The following MTMR8 variants were observed in gnomAD, a reference collection of about 807,000 sequenced individuals.
The protein encoded by MTMR8 is myotubularin related protein 8.
In MTMR8, 65 loss-of-function variants were observed where a neutral mutation model predicts 39.3. The observed-to-expected ratio is 1.65, with a 90% CI of 1.35 to 2.03. MTMR8 has a LOEUF of 2.03. MTMR8 is among the 30% of genes most tolerant of loss of function. MTMR8 has a pLI of 0.00. For missense variants in MTMR8, 777 were observed against 538.9 expected, an observed-to-expected ratio of 1.44 and a Z score of -4.37; for synonymous variants, 245 against 185.2, an observed-to-expected ratio of 1.32 and a Z score of -2.62.
intron 1 of MTMR8, among the ~76,000 whole-genome samples, chrX:64,370,385 A>C (rs188505465): frequency 3.6e-5 from 4 of 110,637 alleles, no homozygotes; most frequent in African/African-American, 9.9e-5. Flanking sequence ...TTATAAAAAA[A>C]AAAAGGAAAG....
At chrX:64,373,100 T>C (rs772858078) in intron 1 of MTMR8, among the ~76,000 whole-genome samples, 1 of 112,220 alleles carries the variant, frequency 8.9e-6, no homozygotes, top group African/African-American at 3.2e-5. Flanking sequence ...TAGGTGATAT[T>C]GTTAATTCCA....
At chrX:64,327,398 T>C (rs1922825029) in intron 12 of MTMR8, among the ~76,000 whole-genome samples, 1 of 111,712 alleles carries the variant, frequency 9.0e-6, no homozygotes, top group Non-Finnish European at 1.9e-5. Flanking sequence ...CAAAAGAAGA[T>C]ATACAAATGG....
rs767568395 is a variant in MTMR8 at position 64,268,931 on chromosome X, C to T, written c.1721G>A (p.Gly574Asp). 5.0e-6 allele frequency: 6 copies of T among 1,209,801 alleles called. No homozygotes were observed. Among genetic ancestry groups the T allele is most frequent in the African/African-American group, 1.8e-5 (1 of 57,082 alleles). ...CAGGGTATTCAGGTCTCCATTGATACCCATAAAGCCAAGAGGATTGGTCAA... is the reference window on the plus strand; with the variant it reads ...CAGGGTATTCAGGTCTCCATTGATATCCATAAAGCCAAGAGGATTGGTCAA... ...SPLTNPLGFM[G>D]INGDLNTLME... Residue 574 changes from glycine to aspartate, a missense_variant, in exon 14 of 14, where the codon GGT becomes GAT. Physicochemically the swap from Gly to Asp is moderately conservative, Grantham distance 94. Coordinates refer to ENST00000374852, the MANE Select transcript of MTMR8 (RefSeq NM_017677.4).
chrX:64,312,555 A>G (rs1045932430), intron 12 of MTMR8, among the ~76,000 whole-genome samples: 3 of 112,382 alleles, frequency 2.7e-5, no homozygotes, highest in Non-Finnish European at 5.6e-5. Context: ...TTTGCACATG[A>G]CATGATTGTA....
chrX:64,291,014 T>C (rs756234643), intron 12 of MTMR8, among the ~76,000 whole-genome samples: 1 of 111,929 alleles, frequency 8.9e-6, no homozygotes, highest in South Asian at 3.7e-4. Flanking sequence ...CATATGGCAT[T>C]TGCATATTCA....
intron 3 of MTMR8, 76 bp from the exon 4 acceptor site, chrX:64,355,010 C>T (rs768815056): frequency 2.1e-5 from 19 of 889,511 alleles, no homozygotes; most frequent in Non-Finnish European, 2.9e-5. Flanking sequence ...CAAATAAAGG[C>T]TAGATTTCCT....
At chrX:64,302,402 C>A (rs777680761) in intron 12 of MTMR8, among the ~76,000 whole-genome samples, 1 of 112,682 alleles carries the variant, frequency 8.9e-6, no homozygotes, top group Non-Finnish European at 1.9e-5. Flanking sequence ...CCAGGTGAGG[C>A]AATGCCTCGC....
intron 1 of MTMR8, chrX:64,360,296 T>A (rs1923744525): frequency 7.8e-6 from 2 of 256,046 alleles, no homozygotes; most frequent in Non-Finnish European, 1.4e-5. Context: ...AGTCTCGAAC[T>A]ATATCAAGCA....
intron 12 of MTMR8, among the ~76,000 whole-genome samples, chrX:64,311,855 T>G (rs1280901641): frequency 9.3e-6 from 1 of 107,867 alleles, no homozygotes; most frequent in South Asian, 4.3e-4. Flanking sequence ...TCGGTTCCAT[T>G]GGTTTATATA....
intron 12 of MTMR8, among the ~76,000 whole-genome samples, chrX:64,283,045 C>T (rs965803959): frequency 8.0e-5 from 9 of 112,100 alleles, no homozygotes; most frequent in South Asian, 3.7e-4. Context: ...ACCCAGGAAG[C>T]GCAAGGGGTC....
intron 7 of MTMR8, 150 bp from the exon 8 acceptor site, chrX:64,343,870 G>A (rs909125503): frequency 6.3e-5 from 28 of 447,944 alleles, no homozygotes; most frequent in Admixed American, 1.7e-4. Flanking sequence ...GTCAGGGACA[G>A]AACTAGGTCT....
chrX:64,367,849 A>G (rs1924017532), intron 1 of MTMR8, among the ~76,000 whole-genome samples: 1 of 111,750 alleles, frequency 8.9e-6, no homozygotes, highest in African/African-American at 3.3e-5. Flanking sequence ...ATGATTGTAT[A>G]TCTAGAAAAC....
chrX:64,362,899 G>T (rs769123472), intron 1 of MTMR8, among the ~76,000 whole-genome samples: 1 of 110,630 alleles, frequency 9.0e-6, no homozygotes, highest in Non-Finnish European at 1.9e-5. Context: ...AGAAAAAGAG[G>T]CCCCAAAAGA....
At chrX:64,301,087 G>T (rs1455715306) in intron 12 of MTMR8, among the ~76,000 whole-genome samples, 2 of 105,861 alleles carry the variant, frequency 1.9e-5, no homozygotes, top group African/African-American at 6.9e-5. Flanking sequence ...GTATCTTTGT[G>T]GCGTTCTCTG....
intron 1 of MTMR8, among the ~76,000 whole-genome samples, chrX:64,369,916 G>A (rs55887733): frequency 5.4e-5 from 6 of 111,402 alleles, no homozygotes; most frequent in Non-Finnish European, 1.1e-4. Context: ...AAAAAAGTAA[G>A]AGAATGATAT....
chrX:64,268,625 CT>C lies in MTMR8; in HGVS notation c.2026del (p.Arg676GlyfsTer38). ...GATGCCCATGTCCCCAGAGAAACCC[CT>C]GGCCTCAGAAATACCCAAGTTTCCA... is the stretch of plus-strand genomic sequence containing the variant. ...ISGNLGISEA[R>X]GFSGDMGILG... On this transcript the variant is annotated frameshift_variant, in exon 14 of 14. Coordinates refer to ENST00000374852, the MANE Select transcript of MTMR8 (RefSeq NM_017677.4). LOFTEE classifies it low-confidence loss of function (END_TRUNC). 8.3e-7 allele frequency: 1 copy of C among 1,211,697 alleles called. No homozygotes were observed. The highest frequency in any genetic ancestry group is 2.2e-5 in the Admixed American group (1 of 46,037).
At chrX:64,321,247 T>C (rs1922636722) in intron 12 of MTMR8, among the ~76,000 whole-genome samples, 1 of 112,144 alleles carries the variant, frequency 8.9e-6, no homozygotes, top group African/African-American at 3.2e-5. Flanking sequence ...ACCCAGATAT[T>C]AGACTTGCTA....
intron 1 of MTMR8, among the ~76,000 whole-genome samples, chrX:64,394,800 G>A (rs995272575): frequency 8.9e-6 from 1 of 112,316 alleles, no homozygotes; most frequent in Non-Finnish European, 1.9e-5. Context: ...GCCCAGCTTT[G>A]GCTGAAGAGA....
chrX:64,278,525 G>A (rs1425299721), intron 12 of MTMR8, among the ~76,000 whole-genome samples: 1 of 80,794 alleles, frequency 1.2e-5, no homozygotes, highest in Non-Finnish European at 2.2e-5. Flanking sequence ...CCAGGCTGGA[G>A]TGCAATGGTG....
Sources: allele counts gnomAD v4.1 joint callset (sites outside exome capture counted in the v4.1 genomes callset), GRCh38; gene constraint gnomAD v4.1.1; transcripts MANE v1.5; gene names NCBI Gene and HGNC (gene_info 2026-07-23, HGNC 2026-07-21).